The following BCL11A variants were observed in gnomAD, a reference collection of about 807,000 sequenced individuals.
BCL11A encodes the protein BCL11 transcription factor A.
A neutral mutation model predicts 55.9 loss-of-function variants in BCL11A; 2 were observed. That is an observed-to-expected ratio of 0.04 (90% CI 0.01 to 0.11). The LOEUF is 0.11. Among genes scored for constraint, BCL11A ranks in the 10% least tolerant of loss-of-function variants. The pLI, the probability that BCL11A is intolerant of heterozygous loss-of-function variation, is 1.00. For missense variants in BCL11A, 817 were observed against 1,137.1 expected, an observed-to-expected ratio of 0.72 and a Z score of 4.05; for synonymous variants, 465 against 473.4, an observed-to-expected ratio of 0.98 and a Z score of 0.23.
At chr2:60,491,246 C>A (rs533654943) in intron 2 of BCL11A, among the ~76,000 whole-genome samples, 1 of 152,206 alleles carries the variant, frequency 6.6e-6, no homozygotes, top group South Asian at 2.1e-4. Flanking sequence ...GTTCTAAAAA[C>A]GTATTCTTAA....
intron 2 of BCL11A, among the ~76,000 whole-genome samples, chr2:60,510,620 C>G (rs1573032575): frequency 6.6e-6 from 1 of 152,222 alleles, no homozygotes; most frequent in Non-Finnish European, 1.5e-5. Context: ...GGGGGTGCCA[C>G]AAGAGCAGGG....
intron 2 of BCL11A, among the ~76,000 whole-genome samples, chr2:60,507,381 G>GGGAAGGGAA (rs1679709128): frequency 2.7e-5 from 3 of 109,280 alleles, no homozygotes; most frequent in Non-Finnish European, 5.2e-5. Flanking sequence ...AGGGAAGGGA[G>GGGAAGGGAA]GGAGGGAAGG....
intron 2 of BCL11A, among the ~76,000 whole-genome samples, chr2:60,491,542 C>T (rs1288444812): frequency 6.6e-6 from 1 of 152,030 alleles, no homozygotes; most frequent in Non-Finnish European, 1.5e-5. Flanking sequence ...CATGGTAATA[C>T]ATGCCTGTAA....
downstream of BCL11A, chr2:60,452,325 G>A (rs1045222218): frequency 1.2e-5 from 5 of 407,530 alleles, no homozygotes; most frequent in East Asian, 3.9e-5. Context: ...GATGGTCCAC[G>A]GGCCCTCTCT....
intron 2 of BCL11A, among the ~76,000 whole-genome samples, chr2:60,516,173 C>G (rs1033571476): frequency 6.6e-6 from 1 of 152,192 alleles, no homozygotes; most frequent in Non-Finnish European, 1.5e-5. Context: ...CTTTTCATAT[C>G]ATCCTACACA....
intron 2 of BCL11A, chr2:60,484,324 T>C (rs11677366): frequency 0.015 from 2,285 of 152,488 alleles, 34 homozygotes; most frequent in South Asian, 0.034. Flanking sequence ...TCCAACCCTC[T>C]CTCCCCCTGC....
chr2:60,491,557 A>T (rs780282241), intron 2 of BCL11A, among the ~76,000 whole-genome samples: 26 of 152,058 alleles, frequency 1.7e-4, no homozygotes, highest in Non-Finnish European at 3.2e-4. Context: ...CTGTAATCTC[A>T]GCTACTCGGG....
intron 2 of BCL11A, among the ~76,000 whole-genome samples, chr2:60,494,346 A>T (rs2104344088): frequency 6.6e-6 from 1 of 152,172 alleles, no homozygotes. Context: ...TCACCTCCCC[A>T]CTCTGGACCT....
At chr2:60,519,675 T>A (rs986866813) in intron 2 of BCL11A, among the ~76,000 whole-genome samples, 36 of 152,190 alleles carry the variant, frequency 2.4e-4, no homozygotes, top group Admixed American at 2.3e-3. Context: ...CTGGAACCAC[T>A]GGAATCTTGT....
chr2:60,528,821 C>T (rs1224405167), intron 2 of BCL11A, among the ~76,000 whole-genome samples: 2 of 152,208 alleles, frequency 1.3e-5, no homozygotes, highest in Non-Finnish European at 2.9e-5. Flanking sequence ...ATAATGACAA[C>T]AGCAATTCTG....
At chr2:60,468,047 G>C (rs1676969655) in intron 3 of BCL11A, among the ~76,000 whole-genome samples, 1 of 142,680 alleles carries the variant, frequency 7.0e-6, no homozygotes, top group Non-Finnish European at 1.5e-5. Flanking sequence ...GGTGGTGATG[G>C]TACTGGTGGT....
intron 2 of BCL11A, chr2:60,524,777 T>G (rs1288080253): frequency 6.6e-6 from 1 of 152,218 alleles, no homozygotes; most frequent in African/African-American, 2.4e-5. Context: ...AGGATAACTT[T>G]GAATGCCCTT....
intron 2 of BCL11A, among the ~76,000 whole-genome samples, chr2:60,514,080 C>T (rs1668614301): frequency 6.6e-6 from 1 of 152,226 alleles, no homozygotes; most frequent in African/African-American, 2.4e-5. Flanking sequence ...CTGAGCCACA[C>T]CAGCCATCTC....
At chr2:60,513,229 AG>A (rs1035534505) in intron 2 of BCL11A, among the ~76,000 whole-genome samples, 1 of 152,122 alleles carries the variant, frequency 6.6e-6, no homozygotes, top group African/African-American at 2.4e-5. Context: ...ACTAGGTTTC[AG>A]GTACATCCCC....
At position 60,460,517 on chromosome 2, in the gene BCL11A, C is replaced by G; in HGVS notation, c.2395G>C (p.Val799Leu). The change falls in exon 4 of 4, where the codon GTT becomes CTT. Residue 799 changes from valine (V) to leucine (L), a missense_variant. Val to Leu is a conservative substitution (Grantham distance 32). Around this residue, in one of 4 missense-constraint regions of BCL11A, gnomAD observed 30 missense variants for 116.3 expected, o/e 0.26. Transcript: ENST00000642384. ...MKTHGQVGKDVYKCEICKMPF... is the reference protein window; with the variant it reads ...MKTHGQVGKDLYKCEICKMPF... ...ATCTTACAAATTTCACATTTGTAAA[C>G]GTCCTTCCCCACCTGGCCATGCGTT... 1 of 1,614,106 alleles carries G rather than the reference C, an allele frequency of 6.2e-7. No homozygotes were observed. Among genetic ancestry groups the G allele is most frequent in the Non-Finnish European group, 8.5e-7 (1 of 1,180,034 alleles).
At chr2:60,455,335 G>C (rs1265563406), downstream of BCL11A, among the ~76,000 whole-genome samples, 1 of 151,978 alleles carries the variant, frequency 6.6e-6, no homozygotes, top group Non-Finnish European at 1.5e-5. Flanking sequence ...TTGGAAATGT[G>C]CATGTTATTT....
At chr2:60,491,713 G>T (rs1896293) in intron 2 of BCL11A, among the ~76,000 whole-genome samples, 38,744 of 150,170 alleles carry the variant, frequency 0.26, 6,148 homozygotes, top group Non-Finnish European at 0.37. Flanking sequence ...AGAAAGAAAT[G>T]CTCCCCTCAG....
Position 60,553,420 on chromosome 2 carries a change from A to G in BCL11A, c.-150T>C. ...TTTTGACATCCAAAATAAATTAGAA[A>G]TAATACAAAGATGGCGCAGGGAAGA... On this transcript the variant is annotated 5_prime_UTR_variant, in exon 1 of 4. Coordinates refer to ENST00000642384, the MANE Select transcript of BCL11A (RefSeq NM_022893.4). 1 of 662,376 alleles carries G rather than the reference A, an allele frequency of 1.5e-6. No homozygotes were observed. Among genetic ancestry groups the G allele is most frequent in the Non-Finnish European group, 2.4e-6 (1 of 409,572 alleles). The allele number at this position is 662,376 out of a possible 1,614,324, so 41.0% of individuals were successfully genotyped here.
chr2:60,472,771 T>G (rs565631726), intron 2 of BCL11A, among the ~76,000 whole-genome samples: 1 of 152,372 alleles, frequency 6.6e-6, no homozygotes, highest in South Asian at 2.1e-4. Flanking sequence ...TATTTGTTTC[T>G]GAAACTAATC....
Sources: gnomAD v4.1 joint callset for allele counts (sites outside exome capture counted in the v4.1 genomes callset) on GRCh38, gnomAD v4.1.1 for gene constraint, gnomAD v4.1.1 regional missense constraint, MANE v1.5 for transcripts, NCBI Gene and HGNC (gene_info 2026-07-23, HGNC 2026-07-21) for gene names.